Variants in RICTOR observed in about 807,000 individuals in gnomAD.
RICTOR encodes RPTOR independent companion of MTOR complex 2, also known as rapamycin-insensitive companion of mTOR.
Under a neutral mutation model 214.9 loss-of-function variants are expected in RICTOR, and 49 were observed. The ratio of observed to expected loss-of-function variants is 0.23; its 90% CI spans 0.18 to 0.29. The LOEUF is 0.29. Ranked by LOEUF, RICTOR falls within the 10% of genes least tolerant of loss-of-function variation. RICTOR has a pLI of 1.00. For missense variants in RICTOR, 1,625 were observed against 2,047.0 expected, an observed-to-expected ratio of 0.79 and a Z score of 3.98; for synonymous variants, 717 against 711.3, an observed-to-expected ratio of 1.01 and a Z score of -0.13.
chr5:39,032,238 C>G lies in RICTOR; in HGVS notation c.98-11102G>C, dbSNP rs186835115. On this transcript the variant is annotated intron_variant, in intron 2 of 37. Coordinates refer to ENST00000357387, the MANE Select transcript of RICTOR (RefSeq NM_152756.5). ...TGTCTATTTGTTCTGGTGTAACCAT[C>G]TGGAATGCAGAGAACAAGTATTATC... Among the ~76,000 whole-genome samples, 497 of 152,246 alleles carry G rather than the reference C, an allele frequency of 3.3e-3. 1 individual carries two copies. Among genetic ancestry groups the G allele is most frequent in the Admixed American group, 5.2e-3 (80 of 15,278 alleles).
chr5:39,037,750 C>T (rs989175890), intron 2 of RICTOR, among the ~76,000 whole-genome samples: 4 of 152,144 alleles, frequency 2.6e-5, no homozygotes, highest in African/African-American at 9.7e-5. Context: ...CACATACACC[C>T]TCCCAAGACT....
At chr5:39,002,803 T>C (rs1164746157) in intron 4 of RICTOR, 137 bp from the exon 5 acceptor site, 1 of 786,378 alleles carries the variant, frequency 1.3e-6, no homozygotes, top group South Asian at 2.0e-5. Context: ...ATTCTACATA[T>C]ATAAAAATTA....
At chr5:39,052,818 C>T (rs1757943671) in intron 2 of RICTOR, among the ~76,000 whole-genome samples, 1 of 152,192 alleles carries the variant, frequency 6.6e-6, no homozygotes, top group African/African-American at 2.4e-5. Flanking sequence ...TTATCAGTTT[C>T]TTCTAGCTCT....
At position 38,941,933 on chromosome 5, in the gene RICTOR, G is replaced by C. The variant is rs1011373399; in HGVS notation, c.*371C>G. On this transcript the variant is annotated 3_prime_UTR_variant, in exon 38 of 38. Coordinates refer to ENST00000357387, the MANE Select transcript of RICTOR (RefSeq NM_152756.5). ...TATTATTTACCCTAAAAATCATTCAGAAATAACTTGTGAAGGGTGCTTCTG... is the reference window on the plus strand; with the variant it reads ...TATTATTTACCCTAAAAATCATTCACAAATAACTTGTGAAGGGTGCTTCTG... 1.3e-5 allele frequency: 3 copies of C among 237,326 alleles called. No homozygotes were observed. The highest frequency in any genetic ancestry group is 2.5e-5 in the Non-Finnish European group (3 of 120,858). The allele number at this position is 237,326 out of a possible 1,614,324, so 14.7% of individuals were successfully genotyped here.
chr5:39,038,936 T>A (rs994107362), intron 2 of RICTOR, among the ~76,000 whole-genome samples: 7 of 151,908 alleles, frequency 4.6e-5, no homozygotes, highest in African/African-American at 1.4e-4. Flanking sequence ...AAGCTACCAA[T>A]GACTTTCTTC....
intron 11 of RICTOR, among the ~76,000 whole-genome samples, chr5:38,968,595 G>A (rs1750433566): frequency 6.6e-6 from 1 of 151,838 alleles, no homozygotes; most frequent in Non-Finnish European, 1.5e-5. Context: ...AAAATTCACT[G>A]GGTGTGGTGG....
intron 3 of RICTOR, among the ~76,000 whole-genome samples, chr5:39,008,148 A>G (rs1754215784): frequency 6.6e-6 from 1 of 152,014 alleles, no homozygotes; most frequent in African/African-American, 2.4e-5. Context: ...AAATGGGGAA[A>G]AGATTCTGTA....
At chr5:39,040,164 G>T (rs1757059255) in intron 2 of RICTOR, among the ~76,000 whole-genome samples, 1 of 152,140 alleles carries the variant, frequency 6.6e-6, no homozygotes, top group Non-Finnish European at 1.5e-5. Context: ...CATGTCCTTT[G>T]TGGGGACATG....
intron 25 of RICTOR, among the ~76,000 whole-genome samples, chr5:38,956,595 C>T (rs200499577): frequency 2.6e-5 from 4 of 152,062 alleles, no homozygotes; most frequent in Admixed American, 6.6e-5. Flanking sequence ...ATCACATCTA[C>T]GGCTCCTATT....
At chr5:39,053,027 G>C (rs1002438440) in intron 2 of RICTOR, among the ~76,000 whole-genome samples, 1 of 152,148 alleles carries the variant, frequency 6.6e-6, no homozygotes, top group African/African-American at 2.4e-5. Flanking sequence ...AATGAAATTT[G>C]TAAGAGTATC....
At chr5:39,066,578 A>G (rs1455594807) in intron 2 of RICTOR, among the ~76,000 whole-genome samples, 1 of 152,246 alleles carries the variant, frequency 6.6e-6, no homozygotes, top group Non-Finnish European at 1.5e-5. Context: ...CCACATGGCT[A>G]GGCTGCAAAT....
chr5:39,028,113 T>C lies in RICTOR; in HGVS notation c.98-6977A>G, dbSNP rs183952397. Among the ~76,000 whole-genome samples the C allele has an allele frequency of 6.0e-3, 901 of 149,472 alleles. 2 individuals carry two copies. The highest frequency in any genetic ancestry group is 9.8e-3 in the Non-Finnish European group (659 of 67,508). ...AAGTACCATTACACACTTATAAGAA[T>C]AGCTAAAATCAAGAAGAATGACAAC... On this transcript the variant is annotated intron_variant, in intron 2 of 37. Transcript: ENST00000357387.
intron 2 of RICTOR, among the ~76,000 whole-genome samples, chr5:39,060,041 G>A (rs1232887253): frequency 6.6e-6 from 1 of 151,964 alleles, no homozygotes; most frequent in Non-Finnish European, 1.5e-5. Context: ...TTCATATCAT[G>A]CAATCAGTAC....
At chr5:39,032,095 T>C (rs1230120912) in intron 2 of RICTOR, among the ~76,000 whole-genome samples, 2 of 152,194 alleles carry the variant, frequency 1.3e-5, no homozygotes, top group Non-Finnish European at 2.9e-5. Context: ...CTCTAGTTTA[T>C]GATAAAATAA....
intron 30 of RICTOR, among the ~76,000 whole-genome samples, 189 bp downstream of exon 30, chr5:38,952,007 G>A (rs1042100069): frequency 6.6e-6 from 1 of 151,964 alleles, no homozygotes; most frequent in African/African-American, 2.4e-5. Flanking sequence ...TATAAGGAGA[G>A]AGAAAAATGT....
intron 3 of RICTOR, among the ~76,000 whole-genome samples, chr5:39,020,122 T>A (rs1388223846): frequency 6.6e-6 from 1 of 152,156 alleles, no homozygotes; most frequent in Non-Finnish European, 1.5e-5. Context: ...GGATAAGGAG[T>A]TCCCTCTTAT....
chr5:39,035,752 G>T (rs1276367581), intron 2 of RICTOR, among the ~76,000 whole-genome samples: 1 of 152,174 alleles, frequency 6.6e-6, no homozygotes, highest in Admixed American at 6.5e-5. Context: ...AATGAAGCGA[G>T]AAGAGAAGTT....
chr5:39,043,403 A>G (rs1333264486), intron 2 of RICTOR, among the ~76,000 whole-genome samples: 1 of 152,162 alleles, frequency 6.6e-6, no homozygotes, highest in East Asian at 1.9e-4. Context: ...CAAACACCAC[A>G]CAACCTCTCA....
chr5:39,058,377 A>G (rs1561073756), intron 2 of RICTOR, among the ~76,000 whole-genome samples: 1 of 152,096 alleles, frequency 6.6e-6, no homozygotes, highest in African/African-American at 2.4e-5. Flanking sequence ...ACAAGGCAGA[A>G]AGAGAAACAA....
Sources: allele counts gnomAD v4.1 joint callset (sites outside exome capture counted in the v4.1 genomes callset), GRCh38; gene constraint gnomAD v4.1.1; transcripts MANE v1.5; gene names NCBI Gene and HGNC (gene_info 2026-07-23, HGNC 2026-07-21).